Variants in GALNT9 observed in about 807,000 individuals in gnomAD.
The protein encoded by GALNT9 is polypeptide N-acetylgalactosaminyltransferase 9.
A neutral mutation model predicts 63.1 loss-of-function variants in GALNT9; 47 were observed. The observed-to-expected ratio is 0.75, with a 90% CI of 0.59 to 0.95. The LOEUF (loss-of-function observed/expected upper bound fraction) is 0.95, where lower values mean the gene tolerates loss of function less well. Ranked by LOEUF, GALNT9 falls within the 40% of genes least tolerant of loss-of-function variation. The probability of loss-of-function intolerance (pLI) is 0.00; values close to 1 mark genes in which losing one functional copy is unlikely to be tolerated. For synonymous variants in GALNT9, 396 were observed against 365.7 expected, an observed-to-expected ratio of 1.08 and a Z score of -0.94; for missense variants, 829 against 874.8, an observed-to-expected ratio of 0.95 and a Z score of 0.66.
At chr12:132,224,995 C>T (rs1348355953) in intron 6 of GALNT9, among the ~76,000 whole-genome samples, 1 of 142,720 alleles carries the variant, frequency 7.0e-6, no homozygotes, top group Non-Finnish European at 1.5e-5. Flanking sequence ...ATATACACAC[C>T]CTATACACTA....
chr12:132,278,254 C>T (rs1317779770), intron 2 of GALNT9: 3 of 152,232 alleles, frequency 2.0e-5, no homozygotes, highest in Non-Finnish European at 4.4e-5. Context: ...GTCGCACTCT[C>T]TGGGTATGTC....
In GALNT9 at chr12:132,257,868, C is replaced by A. The variant is rs369113640; in HGVS notation, c.780G>T (p.Ser260=). The change falls in exon 5 of 11, where the codon TCG becomes TCT. Residue 260 remains serine, a synonymous_variant. Transcript: ENST00000328957. ...TGCGACGCCGGTCCTCTCGGATCCG[C>A]GACAGTGCGGGCTCGGCCCTGCGGA... ...FNTGWAEPAL[S]RIREDRRRIV... The A allele has an allele frequency of 1.6e-5, 24 of 1,545,656 alleles. No individual in the cohort carries two copies. The South Asian group carries it at 2.4e-4, about 15-fold the overall frequency.
chr12:132,304,553 A>G (rs1401606324), intron 1 of GALNT9, among the ~76,000 whole-genome samples: 2 of 24,620 alleles, frequency 8.1e-5, no homozygotes, highest in African/African-American at 4.4e-4. Flanking sequence ...AATCGCCCAG[A>G]CACACCCTCA....
At chr12:132,221,799 G>A (rs765538120) in intron 6 of GALNT9, among the ~76,000 whole-genome samples, 4 of 151,996 alleles carry the variant, frequency 2.6e-5, no homozygotes, top group Non-Finnish European at 2.9e-5. Context: ...CCCCACAGCC[G>A]TTCCTGGTAC....
intron 1 of GALNT9, among the ~76,000 whole-genome samples, chr12:132,322,422 C>T (rs1199583292): frequency 6.6e-6 from 1 of 152,232 alleles, no homozygotes; most frequent in Non-Finnish European, 1.5e-5. Context: ...GAGGTGGTGC[C>T]GTTGCTCACT....
At chr12:132,312,199 CACTGAG>C (rs1233021627) in intron 1 of GALNT9, among the ~76,000 whole-genome samples, 6 of 152,240 alleles carry the variant, frequency 3.9e-5, no homozygotes, top group Non-Finnish European at 8.8e-5. Context: ...AATATATTCT[CACTGAG>C]ACTAATACAG....
chr12:132,312,490 G>A (rs116950913), intron 1 of GALNT9, among the ~76,000 whole-genome samples: 3,143 of 152,336 alleles, frequency 0.021, 48 homozygotes, highest in Non-Finnish European at 0.032. Context: ...GCTGCTGAGA[G>A]GACCAGAGTG....
rs557416471 is a variant in GALNT9, at chr12:132,319,918, C to A, written c.238+9048G>T. On this transcript the variant is annotated intron_variant, in intron 1 of 10. Coordinates refer to ENST00000328957, the MANE Select transcript of GALNT9 (RefSeq NM_001122636.2). The surrounding 1 kb of genome is among the most constrained non-coding windows in gnomAD (Gnocchi z 5.2). ...GCACTCACTGACCCCGCCATGCAGGCGGGCACACGAGGCAGGCGCTCCTAA... is the reference window on the plus strand; with the variant it reads ...GCACTCACTGACCCCGCCATGCAGGAGGGCACACGAGGCAGGCGCTCCTAA... Among the ~76,000 whole-genome samples, 1 of 152,238 alleles carries A rather than the reference C, an allele frequency of 6.6e-6. No individual in the cohort carries two copies. Among genetic ancestry groups the A allele is most frequent in the African/African-American group, 2.4e-5 (1 of 41,470 alleles).
chr12:132,217,101 A>T (rs1214086322), intron 6 of GALNT9, among the ~76,000 whole-genome samples: 4 of 152,166 alleles, frequency 2.6e-5, no homozygotes, highest in Non-Finnish European at 4.4e-5. Context: ...ACAGTAACTG[A>T]TAGAATGACC....
intron 6 of GALNT9, 129 bp downstream of exon 6, chr12:132,247,781 G>T: frequency 8.2e-7 from 1 of 1,226,978 alleles, no homozygotes; most frequent in Non-Finnish European, 1.1e-6. Flanking sequence ...CCCCATCCCC[G>T]GACGCTGCAG....
At chr12:132,203,416 C>A in intron 7 of GALNT9, 89 bp downstream of exon 7, 2 of 1,287,966 alleles carry the variant, frequency 1.6e-6, no homozygotes, top group Non-Finnish European at 2.2e-6. Flanking sequence ...GCAGGGGGCC[C>A]TAGGGGGCCT....
chr12:132,226,295 A>ACAC (rs1669984799), intron 6 of GALNT9, among the ~76,000 whole-genome samples: 1 of 148,540 alleles, frequency 6.7e-6, no homozygotes, highest in South Asian at 2.1e-4. Flanking sequence ...CACCTCATAC[A>ACAC]CACCATATAC....
intron 2 of GALNT9, among the ~76,000 whole-genome samples, chr12:132,268,279 G>A (rs1248205707): frequency 3.3e-5 from 5 of 151,570 alleles, no homozygotes; most frequent in African/African-American, 4.9e-5. Context: ...ACACACGCAC[G>A]CACACACTGA....
intron 6 of GALNT9, among the ~76,000 whole-genome samples, chr12:132,204,039 G>A (rs527389554): frequency 1.1e-4 from 13 of 119,188 alleles, no homozygotes; most frequent in Middle Eastern, 3.8e-3. Flanking sequence ...GGAACCCCCC[G>A]CCCCACTGCA....
At chr12:132,203,760 C>T in intron 6 of GALNT9, 70 bp from the exon 7 acceptor site, 1 of 1,530,826 alleles carries the variant, frequency 6.5e-7, no homozygotes, top group Non-Finnish European at 8.8e-7. Context: ...AGCTAGGGGC[C>T]CGTGAGAGGC....
chr12:132,309,970 A>C (rs551408968), intron 1 of GALNT9, among the ~76,000 whole-genome samples: 1 of 152,344 alleles, frequency 6.6e-6, no homozygotes, highest in African/African-American at 2.4e-5. Context: ...CTCGCCGCTG[A>C]GGGTGGCGCC....
chr12:132,219,174 C>T (rs1188222984), intron 6 of GALNT9, among the ~76,000 whole-genome samples: 1 of 152,110 alleles, frequency 6.6e-6, no homozygotes, highest in African/African-American at 2.4e-5. Context: ...GTGGCTTTTT[C>T]TGTGATTGCT....
intron 1 of GALNT9, among the ~76,000 whole-genome samples, chr12:132,309,641 C>A (rs1338803798): frequency 6.6e-6 from 1 of 152,236 alleles, no homozygotes; most frequent in African/African-American, 2.4e-5. Context: ...CCAGTGTCCC[C>A]TGAGCAGGAC....
At position 132,289,272 on chromosome 12, in the gene GALNT9, A is replaced by G. The variant is rs372465316; in HGVS notation, c.239-2842T>C. Among the ~76,000 whole-genome samples the G allele has an allele frequency of 1.9e-4, 29 of 151,992 alleles. No individual in the cohort carries two copies. In the East Asian group the frequency reaches 4.4e-3, roughly 23 times the overall value. ...TCCCAACGCTTCATTCTCCGTTTTC[A>G]TTCTCTTGGTTTTCATCTCATCGGC... On this transcript the variant is annotated intron_variant, in intron 1 of 10. Coordinates refer to ENST00000328957, the MANE Select transcript of GALNT9 (RefSeq NM_001122636.2).
Sources: gnomAD v4.1 joint callset for allele counts (sites outside exome capture counted in the v4.1 genomes callset) on GRCh38, gnomAD v4.1.1 for gene constraint, Gnocchi (gnomAD v3.1) non-coding constraint, MANE v1.5 for transcripts, NCBI Gene and HGNC (gene_info 2026-07-23, HGNC 2026-07-21) for gene names.